Variants in PTPN4 observed in about 807,000 individuals in gnomAD.
PTPN4 encodes tyrosine-protein phosphatase non-receptor type 4.
In PTPN4, 49 loss-of-function variants were observed where a neutral mutation model predicts 135.5. The observed-to-expected ratio is 0.36, with a 90% confidence interval of 0.29 to 0.46. The LOEUF is 0.46. Ranked by LOEUF, PTPN4 falls within the 20% of genes least tolerant of loss-of-function variation. The probability of loss-of-function intolerance (pLI) is 1.00; values close to 1 mark genes in which losing one functional copy is unlikely to be tolerated. For missense variants in PTPN4, 860 were observed against 1,101.0 expected, an observed-to-expected ratio of 0.78 and a Z score of 3.10; for synonymous variants, 333 against 369.9, an observed-to-expected ratio of 0.90 and a Z score of 1.14.
chr2:119,949,247 T>C (rs1399707862), intron 18 of PTPN4, among the ~76,000 whole-genome samples: 4 of 152,168 alleles, frequency 2.6e-5, no homozygotes, highest in African/African-American at 7.2e-5. Context: ...AGTCATTCTA[T>C]TGGGGGAAAA....
In PTPN4 at chr2:119,900,728, A is replaced by G. The variant is rs765276909; in HGVS notation, c.686A>G (p.Asn229Ser). The G allele has an allele frequency of 6.4e-7, 1 of 1,572,926 alleles. No individual in the cohort carries two copies. The highest frequency in any genetic ancestry group is 8.6e-7 in the Non-Finnish European group (1 of 1,156,504). Residue 229 changes from asparagine to serine, a missense_variant, in exon 10 of 27, where the codon AAC (asparagine) becomes AGC (serine). By Grantham distance (46) the Asn-to-Ser change is conservative. Around this residue, in one of 2 missense-constraint regions of PTPN4, gnomAD observed 684 missense variants for 807.0 expected, o/e 0.85. Transcript: ENST00000263708. ...VEFHYARDQS[N>S]NEIMIGVMSG... ...TCATTTTTTTTGAAGGATCAGAGTA[A>G]CAATGAAATTATGATTGGAGTGATG...
intron 2 of PTPN4, among the ~76,000 whole-genome samples, chr2:119,839,197 C>T (rs1444098688): frequency 6.6e-6 from 1 of 152,140 alleles, no homozygotes. Flanking sequence ...CACCTCAAGT[C>T]CCCTTCTCCA....
At chr2:119,774,424 C>T (rs141726710) in intron 1 of PTPN4, among the ~76,000 whole-genome samples, 1 of 152,304 alleles carries the variant, frequency 6.6e-6, no homozygotes, top group African/African-American at 2.4e-5. Flanking sequence ...GCTACAGCTA[C>T]ACCAGCAGGT....
intron 1 of PTPN4, among the ~76,000 whole-genome samples, chr2:119,768,118 C>T (rs1690667618): frequency 6.6e-6 from 1 of 152,094 alleles, no homozygotes. Context: ...TCAATATATA[C>T]TCCTGGATTT....
At chr2:119,785,941 A>G (rs1174855024) in intron 1 of PTPN4, among the ~76,000 whole-genome samples, 1 of 152,210 alleles carries the variant, frequency 6.6e-6, no homozygotes, top group Non-Finnish European at 1.5e-5. Context: ...TCTTCACGGT[A>G]TTTAATCAGG....
At chr2:119,772,382 T>C (rs1158001555) in intron 1 of PTPN4, among the ~76,000 whole-genome samples, 1 of 152,232 alleles carries the variant, frequency 6.6e-6, no homozygotes, top group African/African-American at 2.4e-5. Flanking sequence ...ACCAACAGTT[T>C]GTTATATGCA....
intron 18 of PTPN4, among the ~76,000 whole-genome samples, chr2:119,949,395 G>A (rs1273477908): frequency 6.6e-6 from 1 of 152,164 alleles, no homozygotes; most frequent in Non-Finnish European, 1.5e-5. Flanking sequence ...ATACATAATA[G>A]TTGTACATGT....
rs55911315 is a variant in PTPN4 at position 119,914,248 on chromosome 2, ATTTTTTTTT to A, written c.765-911_765-903del. Among the ~76,000 whole-genome samples the A allele has an allele frequency of 1.3e-3, 131 of 97,434 alleles. 2 individuals carry two copies. Among genetic ancestry groups the A allele is most frequent in the African/African-American group, 7.1e-3 (122 of 17,074 alleles). 63.9% of individuals were successfully genotyped at this position (97,434 alleles called of 152,430 possible). A position where few individuals can be genotyped will look rare whatever the true frequency, so the allele number is the denominator to read the frequency against. On this transcript the variant is annotated intron_variant, in intron 10 of 26. Coordinates refer to ENST00000263708, the MANE Select transcript of PTPN4 (RefSeq NM_002830.4). ...CATAAATACAGTCAATAGTTACTCAATTTTTTTTTTTTTTTTTTTTTTTTTTTTGCTTCT... is the reference window on the plus strand; with the variant it reads ...CATAAATACAGTCAATAGTTACTCAATTTTTTTTTTTTTTTTTTTGCTTCT...
intron 2 of PTPN4, among the ~76,000 whole-genome samples, chr2:119,836,265 T>G (rs1255447247): frequency 1.3e-5 from 2 of 152,216 alleles, no homozygotes; most frequent in African/African-American, 2.4e-5. Flanking sequence ...AGATTTGGCC[T>G]TCTTAGACTT....
intron 20 of PTPN4, among the ~76,000 whole-genome samples, chr2:119,956,627 T>C (rs959293087): frequency 1.3e-5 from 2 of 152,198 alleles, no homozygotes; most frequent in Non-Finnish European, 2.9e-5. Flanking sequence ...GTTTTACCAC[T>C]TTTCAAAATA....
At chr2:119,836,499 C>T (rs549781535) in intron 2 of PTPN4, among the ~76,000 whole-genome samples, 129 of 152,362 alleles carry the variant, frequency 8.5e-4, no homozygotes, top group Non-Finnish European at 1.5e-3. Flanking sequence ...ACACCAACTG[C>T]AGTGGGGGAC....
chr2:119,809,564 T>G (rs1691540239), intron 1 of PTPN4, among the ~76,000 whole-genome samples: 1 of 152,126 alleles, frequency 6.6e-6, no homozygotes, highest in Admixed American at 6.5e-5. Flanking sequence ...TTACATATTT[T>G]GAATTGGAAT....
intron 11 of PTPN4, among the ~76,000 whole-genome samples, chr2:119,917,453 G>A (rs1008841989): frequency 1.3e-5 from 2 of 152,156 alleles, no homozygotes; most frequent in Admixed American, 1.3e-4. Flanking sequence ...TGGTATACAG[G>A]CCAGGTGCGG....
At chr2:119,968,058 CT>C (rs1205502655) in intron 26 of PTPN4, 86 bp downstream of exon 26, 8 of 1,115,426 alleles carry the variant, frequency 7.2e-6, no homozygotes, top group Non-Finnish European at 7.3e-6. Flanking sequence ...TATTTTTATC[CT>C]TTTTTATCTT....
intron 20 of PTPN4, among the ~76,000 whole-genome samples, chr2:119,956,094 T>C (rs1679277460): frequency 6.6e-6 from 1 of 152,044 alleles, no homozygotes; most frequent in Admixed American, 6.6e-5. Context: ...AAACCAAAAC[T>C]TTCAGACAGA....
At position 119,980,686 on chromosome 2, in the gene PTPN4, C is replaced by T. The variant is rs1419173928; in HGVS notation, c.*3616C>T. On this transcript the variant is annotated 3_prime_UTR_variant, in exon 27 of 27. Transcript: ENST00000263708. ...GTTTTCACTTAATAACTATGACAAC[C>T]TTAAAGGATGTCACTTAAGTTAGAA... 1 of 151,826 alleles carries T rather than the reference C, an allele frequency of 6.6e-6. No individual in the cohort carries two copies. The highest frequency in any genetic ancestry group is 1.9e-4 in the East Asian group (1 of 5,186). 9.4% of individuals were successfully genotyped at this position (151,826 alleles called of 1,614,324 possible). A position where few individuals can be genotyped will look rare whatever the true frequency, so the allele number is the denominator to read the frequency against.
At chr2:119,774,295 C>T (rs1558721294) in intron 1 of PTPN4, among the ~76,000 whole-genome samples, 1 of 152,118 alleles carries the variant, frequency 6.6e-6, no homozygotes, top group African/African-American at 2.4e-5. Context: ...TTGATATGTA[C>T]CATAGATTGA....
chr2:119,837,357 T>A (rs1558740464), intron 2 of PTPN4, among the ~76,000 whole-genome samples: 5 of 150,850 alleles, frequency 3.3e-5, no homozygotes, highest in Non-Finnish European at 7.4e-5. Context: ...ACTTGTCGGG[T>A]CGACCTGCCT....
intron 2 of PTPN4, among the ~76,000 whole-genome samples, chr2:119,832,893 G>A (rs1231506333): frequency 6.6e-6 from 1 of 152,078 alleles, no homozygotes; most frequent in Non-Finnish European, 1.5e-5. Flanking sequence ...AACAGTCCCT[G>A]CCTTCTCATT....
Sources: gnomAD v4.1 joint callset for allele counts (sites outside exome capture counted in the v4.1 genomes callset) on GRCh38, gnomAD v4.1.1 for gene constraint, gnomAD v4.1.1 regional missense constraint, MANE v1.5 for transcripts, NCBI Gene and HGNC (gene_info 2026-07-23, HGNC 2026-07-21) for gene names.